Variants in SCAF8 observed in about 807,000 individuals in gnomAD.
SCAF8 encodes SR-related and CTD-associated factor 8.
A neutral mutation model predicts 140.5 loss-of-function variants in SCAF8; 23 were observed. The ratio of observed to expected loss-of-function variants is 0.16; its 90% CI spans 0.12 to 0.23. The LOEUF (loss-of-function observed/expected upper bound fraction) is 0.23, where lower values mean the gene tolerates loss of function less well. Ranked by LOEUF, SCAF8 falls within the 10% of genes least tolerant of loss-of-function variation. The pLI, the probability that SCAF8 is intolerant of heterozygous loss-of-function variation, is 1.00. For synonymous variants in SCAF8, 575 were observed against 528.9 expected (o/e 1.09, Z -1.20); for missense variants, 1,397 against 1,555.7 (o/e 0.90, Z 1.72).
intron 19 of SCAF8, 150 bp from the exon 20 acceptor site, chr6:154,831,789 A>G: frequency 1.8e-6 from 1 of 549,966 alleles, no homozygotes; most frequent in Non-Finnish European, 3.1e-6. Context: ...AAATCAGTAT[A>G]ATACCTGACA....
intron 1 of SCAF8, among the ~76,000 whole-genome samples, chr6:154,770,388 ACTCTCTCT>A (rs58596375): frequency 0.013 from 1,869 of 141,960 alleles, 32 homozygotes; most frequent in African/African-American, 0.033. Flanking sequence ...ACACACACAC[ACTCTCTCT>A]CTCTCTCTCT....
intron 2 of SCAF8, among the ~76,000 whole-genome samples, chr6:154,777,140 C>T (rs1038702860): frequency 4.0e-5 from 6 of 151,774 alleles, no homozygotes; most frequent in Admixed American, 6.6e-5. Flanking sequence ...GAGATTGTGC[C>T]GCTGCACACC....
At chr6:154,744,797 T>A (rs962937213) in intron 1 of SCAF8, among the ~76,000 whole-genome samples, 4 of 152,260 alleles carry the variant, frequency 2.6e-5, no homozygotes. Context: ...GAATGATGAA[T>A]AATTTTTATG....
intron 1 of SCAF8, among the ~76,000 whole-genome samples, chr6:154,751,375 T>G (rs1778833586): frequency 6.6e-6 from 1 of 152,090 alleles, no homozygotes; most frequent in African/African-American, 2.4e-5. Context: ...ATTACAGGCA[T>G]GCGCCACCCT....
intron 6 of SCAF8, among the ~76,000 whole-genome samples, chr6:154,797,553 G>A (rs2114889929): frequency 6.6e-6 from 1 of 151,280 alleles, no homozygotes; most frequent in South Asian, 2.1e-4. Flanking sequence ...CTGCCACCAT[G>A]CCCAGCTGAT....
At position 154,815,786 on chromosome 6, in the gene SCAF8, T is replaced by C. The variant is rs780626506; in HGVS notation, c.1491T>C (p.Phe497=). 89 of 1,612,118 alleles carry C rather than the reference T, an allele frequency of 5.5e-5. No homozygotes were observed. Among genetic ancestry groups the C allele is most frequent in the Non-Finnish European group, 7.5e-5 (88 of 1,178,610 alleles). The change falls in exon 13 of 20, where the codon TTT becomes TTC. Residue 497 remains phenylalanine (F), a synonymous_variant. Coordinates refer to ENST00000367178, the MANE Select transcript of SCAF8 (RefSeq NM_014892.5). Reference sequence around the variant, plus strand: ...CACAGCAAGACTTAACCAACCTGTTTGAAGAGTTTGGACAGATTGAATCCA... The same window carrying C: ...CACAGCAAGACTTAACCAACCTGTTCGAAGAGTTTGGACAGATTGAATCCA... ...KATQQDLTNL[F]EEFGQIESIN... is the part of the protein sequence containing the mutation.
At chr6:154,747,203 T>C (rs1778721426) in intron 1 of SCAF8, among the ~76,000 whole-genome samples, 1 of 152,184 alleles carries the variant, frequency 6.6e-6, no homozygotes, top group South Asian at 2.1e-4. Context: ...ATTCTTCGTC[T>C]TTTACAAAGC....
intron 17 of SCAF8, 60 bp downstream of exon 17, chr6:154,824,438 C>T (rs1778505829): frequency 6.8e-7 from 1 of 1,476,686 alleles, no homozygotes; most frequent in Non-Finnish European, 9.4e-7. Context: ...AGTTGTGTTT[C>T]TTCCAGATTT....
At chr6:154,760,898 C>T (rs1776366042) in intron 1 of SCAF8, among the ~76,000 whole-genome samples, 1 of 152,144 alleles carries the variant, frequency 6.6e-6, no homozygotes, top group Non-Finnish European at 1.5e-5. Context: ...ATCCTCCTGC[C>T]TCAGCCTCCC....
intron 12 of SCAF8, among the ~76,000 whole-genome samples, chr6:154,812,070 A>C (rs1371644385): frequency 6.6e-6 from 1 of 152,126 alleles, no homozygotes; most frequent in Non-Finnish European, 1.5e-5. Flanking sequence ...GGGCACAACA[A>C]ACAGCAAAAA....
intron 3 of SCAF8, among the ~76,000 whole-genome samples, chr6:154,782,371 A>T (rs924091819): frequency 1.3e-5 from 2 of 152,156 alleles, no homozygotes; most frequent in African/African-American, 4.8e-5. Context: ...GTGAACCATC[A>T]TTGTGCCACT....
intron 3 of SCAF8, among the ~76,000 whole-genome samples, chr6:154,787,201 A>T (rs1436739145): frequency 6.6e-6 from 1 of 152,238 alleles, no homozygotes; most frequent in African/African-American, 2.4e-5. Context: ...CCAAAAAAAC[A>T]TACAGGAATT....
chr6:154,770,398 T>A (rs958099206), intron 1 of SCAF8, among the ~76,000 whole-genome samples: 1,556 of 44,722 alleles, frequency 0.035, 28 homozygotes, highest in African/African-American at 0.17. Flanking sequence ...ACTCTCTCTC[T>A]CTCTCTCTCT....
At position 154,779,126 on chromosome 6, in the gene SCAF8, G is replaced by A. The variant is rs975143680; in HGVS notation, c.159+1081G>A. ...CGGCTCACTGCAACCTCTGTCTCCC[G>A]AGTTCAAGCTATTCTCTTGCCTCAG... On this transcript the variant is annotated intron_variant, in intron 3 of 19. Transcript: ENST00000367178. 6.6e-5 allele frequency among the ~76,000 whole-genome samples: 10 copies of A among 152,112 alleles called. 1 individual carries two copies. Among genetic ancestry groups the A allele is most frequent in the Admixed American group, 4.6e-4 (7 of 15,260 alleles).
At chr6:154,775,623 C>G (rs145201715) in intron 2 of SCAF8, among the ~76,000 whole-genome samples, 13 of 152,200 alleles carry the variant, frequency 8.5e-5, no homozygotes, top group African/African-American at 3.1e-4. Flanking sequence ...GAGTCTAACT[C>G]TTTGGACACA....
chr6:154,800,324 G>A (rs1300444713), intron 6 of SCAF8, among the ~76,000 whole-genome samples: 1 of 151,464 alleles, frequency 6.6e-6, no homozygotes, highest in Admixed American at 6.6e-5. Flanking sequence ...ATATGTTTTT[G>A]TGGAATGAAT....
intron 15 of SCAF8, among the ~76,000 whole-genome samples, chr6:154,820,753 G>A (rs1248748154): frequency 1.3e-5 from 2 of 152,052 alleles, no homozygotes; most frequent in African/African-American, 2.4e-5. Context: ...GAGTTCAGAT[G>A]CATACAATGT....
chr6:154,821,029 T>C (rs1197964320), intron 15 of SCAF8, among the ~76,000 whole-genome samples: 1 of 150,888 alleles, frequency 6.6e-6, no homozygotes, highest in Non-Finnish European at 1.5e-5. Context: ...TTTTGAACCA[T>C]TTTTTTTCTT....
chr6:154,752,154 C>G lies in SCAF8; in HGVS notation c.30+18224C>G, dbSNP rs142361574. Reference sequence around the variant, plus strand: ...CTATTGTTTAGAAGGTTCCTAGTCTCTAGAGGCCTTTTAAAGCCTGAAAAG... The same window carrying G: ...CTATTGTTTAGAAGGTTCCTAGTCTGTAGAGGCCTTTTAAAGCCTGAAAAG... On this transcript the variant is annotated intron_variant, in intron 1 of 19. Coordinates refer to ENST00000367178, the MANE Select transcript of SCAF8 (RefSeq NM_014892.5). Among the ~76,000 whole-genome samples the G allele has an allele frequency of 9.2e-3, 1,397 of 152,240 alleles. 61 individuals are homozygous for G. The highest frequency in any genetic ancestry group is 0.069 in the Admixed American group (1,048 of 15,290).
Sources: gnomAD v4.1 joint callset for allele counts (sites outside exome capture counted in the v4.1 genomes callset) on GRCh38, gnomAD v4.1.1 for gene constraint, MANE v1.5 for transcripts, NCBI Gene and HGNC (gene_info 2026-07-23, HGNC 2026-07-21) for gene names.